Variants in NRXN3 observed in about 807,000 individuals in gnomAD.
The protein encoded by NRXN3 is neurexin 3.
NRXN3 carries 32 observed loss-of-function variants against 137.6 expected under a neutral mutation model. That is an observed-to-expected ratio of 0.23 (90% CI 0.18 to 0.31). NRXN3 has a LOEUF of 0.31. Ranked by LOEUF, NRXN3 falls within the 10% of genes least tolerant of loss-of-function variation. NRXN3 has a pLI of 1.00. For missense variants in NRXN3, 1,574 were observed against 2,062.5 expected (o/e 0.76, Z 4.59); for synonymous variants, 798 against 784.5 (o/e 1.02, Z -0.29).
At chr14:79,259,568 T>G (rs1217057066) in intron 15 of NRXN3, among the ~76,000 whole-genome samples, 1 of 148,358 alleles carries the variant, frequency 6.7e-6, no homozygotes, top group Non-Finnish European at 1.5e-5. Flanking sequence ...TATATATAGT[T>G]ATCTATATAT....
intron 15 of NRXN3, among the ~76,000 whole-genome samples, chr14:79,100,797 T>TG (rs1448713894): frequency 6.6e-6 from 1 of 152,210 alleles, no homozygotes; most frequent in Non-Finnish European, 1.5e-5. Flanking sequence ...CCTGTACCTC[T>TG]GGGCACAGTC....
chr14:79,778,964 C>A (rs572087942), intron 19 of NRXN3, among the ~76,000 whole-genome samples: 38 of 152,318 alleles, frequency 2.5e-4, no homozygotes, highest in African/African-American at 7.5e-4. Flanking sequence ...GGTAACCAAG[C>A]TCTGTGAACC....
At chr14:78,904,594 C>T (rs1446155932) in intron 10 of NRXN3, among the ~76,000 whole-genome samples, 1 of 152,020 alleles carries the variant, frequency 6.6e-6, no homozygotes, top group Non-Finnish European at 1.5e-5. Flanking sequence ...CAACCTCTCC[C>T]TCGAATTCTA....
chr14:79,517,542 T>G (rs1281316368), intron 16 of NRXN3, among the ~76,000 whole-genome samples: 1 of 152,162 alleles, frequency 6.6e-6, no homozygotes, highest in African/African-American at 2.4e-5. Context: ...CTTCATATTC[T>G]AGAGTGGTAA....
chr14:79,105,502 T>A (rs1254496933), intron 15 of NRXN3, among the ~76,000 whole-genome samples: 1 of 152,114 alleles, frequency 6.6e-6, no homozygotes, highest in Non-Finnish European at 1.5e-5. Flanking sequence ...TTAGTGAAAA[T>A]CGATTTATTC....
chr14:78,676,934 A>G (rs1021542685), intron 6 of NRXN3, among the ~76,000 whole-genome samples: 2 of 152,140 alleles, frequency 1.3e-5, no homozygotes, highest in African/African-American at 2.4e-5. Context: ...TGTTTACAGC[A>G]TGGTTTACTG....
intron 4 of NRXN3, among the ~76,000 whole-genome samples, chr14:78,634,850 A>G (rs1304467398): frequency 6.6e-6 from 1 of 152,192 alleles, no homozygotes; most frequent in Admixed American, 6.5e-5. Flanking sequence ...GTATGTGTAT[A>G]TATATATAAA....
chr14:79,565,857 G>A (rs1001369430), intron 16 of NRXN3, among the ~76,000 whole-genome samples: 5 of 151,996 alleles, frequency 3.3e-5, no homozygotes, highest in African/African-American at 9.7e-5. Flanking sequence ...AAATATCAGC[G>A]TGAATTACTT....
At chr14:78,954,426 T>C (rs1193388420) in intron 10 of NRXN3, among the ~76,000 whole-genome samples, 1 of 152,114 alleles carries the variant, frequency 6.6e-6, no homozygotes, top group East Asian at 1.9e-4. Context: ...CTGTTGGAGG[T>C]ATCAAATGTA....
chr14:78,926,909 A>G lies in NRXN3; in HGVS notation c.2276-30333A>G, dbSNP rs1243602169. On this transcript the variant is annotated intron_variant, in intron 10 of 20. Transcript: ENST00000335750. ...ATTTATATATATATATAATATATAT[A>G]ATATATATATAATATATAATATATT... Among the ~76,000 whole-genome samples, 5 of 28,868 alleles carry G rather than the reference A, an allele frequency of 1.7e-4. 1 individual carries two copies. The highest frequency in any genetic ancestry group is 4.8e-5 in the Non-Finnish European group (1 of 20,776). 18.9% of individuals were successfully genotyped at this position (28,868 alleles called of 152,430 possible). A position where few individuals can be genotyped will look rare whatever the true frequency, so the allele number is the denominator to read the frequency against.
intron 4 of NRXN3, among the ~76,000 whole-genome samples, chr14:78,503,269 G>A (rs1288848021): frequency 6.6e-6 from 1 of 152,148 alleles, no homozygotes; most frequent in Non-Finnish European, 1.5e-5. Context: ...AAAAAATAAA[G>A]CGAGGCTTGG....
chr14:78,504,113 A>G (rs1410924736), intron 4 of NRXN3, among the ~76,000 whole-genome samples: 2 of 152,112 alleles, frequency 1.3e-5, no homozygotes, highest in Non-Finnish European at 2.9e-5. Context: ...TTAGTTTCCC[A>G]TCCTTGGTTG....
chr14:79,132,900 G>A (rs966957564), intron 15 of NRXN3, among the ~76,000 whole-genome samples: 9 of 152,210 alleles, frequency 5.9e-5, no homozygotes, highest in African/African-American at 2.2e-4. Flanking sequence ...TGACCTTTCA[G>A]TTTGTCCTGA....
intron 15 of NRXN3, among the ~76,000 whole-genome samples, chr14:79,218,471 T>C (rs969777784): frequency 3.9e-5 from 6 of 152,046 alleles, no homozygotes; most frequent in Admixed American, 3.9e-4. Context: ...TTGGAGTATA[T>C]AGGAATGAAC....
At chr14:78,462,616 G>T (rs1046402442) in intron 4 of NRXN3, among the ~76,000 whole-genome samples, 1 of 152,164 alleles carries the variant, frequency 6.6e-6, no homozygotes, top group Non-Finnish European at 1.5e-5. Context: ...AAAACTAAGA[G>T]GAGAATTCAT....
intron 4 of NRXN3, among the ~76,000 whole-genome samples, chr14:78,429,981 C>T (rs1318502134): frequency 1.3e-5 from 2 of 152,178 alleles, no homozygotes; most frequent in Non-Finnish European, 2.9e-5. Context: ...TGCCTGTAAT[C>T]CCAGCACTTT....
intron 15 of NRXN3, among the ~76,000 whole-genome samples, chr14:79,420,355 G>A (rs2095558025): frequency 6.6e-6 from 1 of 152,138 alleles, no homozygotes; most frequent in Admixed American, 6.6e-5. Flanking sequence ...TTATGCTGGA[G>A]GTTGTGATTT....
intron 15 of NRXN3, among the ~76,000 whole-genome samples, chr14:79,284,197 C>A (rs1161998570): frequency 2.7e-5 from 4 of 149,910 alleles, no homozygotes; most frequent in African/African-American, 7.4e-5. Flanking sequence ...GGTCATTGGA[C>A]CTTTAAGAAA....
At chr14:79,280,915 C>T (rs2081178160) in intron 15 of NRXN3, 1 of 196,170 alleles carries the variant, frequency 5.1e-6, no homozygotes, top group African/African-American at 2.3e-5. Context: ...TTGCTTTCAC[C>T]CTTCTTTGCT....
Sources: gnomAD v4.1 joint callset for allele counts (sites outside exome capture counted in the v4.1 genomes callset) on GRCh38, gnomAD v4.1.1 for gene constraint, MANE v1.5 for transcripts, NCBI Gene and HGNC (gene_info 2026-07-23, HGNC 2026-07-21) for gene names.